Variants in ROBO1 observed in about 807,000 individuals in gnomAD.
ROBO1 encodes the protein roundabout homolog 1.
In ROBO1, 149 loss-of-function variants were observed where a neutral mutation model predicts 195.9. The ratio of observed to expected loss-of-function variants is 0.76; its 90% CI spans 0.67 to 0.87. The LOEUF (loss-of-function observed/expected upper bound fraction) is 0.87. Ranked by LOEUF, ROBO1 falls within the 40% of genes least tolerant of loss-of-function variation. The pLI, the probability that ROBO1 is intolerant of heterozygous loss-of-function variation, is 0.00. For synonymous variants in ROBO1, 816 were observed against 733.2 expected (o/e 1.11, Z -1.82); for missense variants, 1,933 against 2,068.3 (o/e 0.93, Z 1.27).
At chr3:79,583,760 C>T (rs2107796774) in intron 2 of ROBO1, among the ~76,000 whole-genome samples, 1 of 151,916 alleles carries the variant, frequency 6.6e-6, no homozygotes, top group South Asian at 2.1e-4. Context: ...TTGTTCTAAG[C>T]AAAATGATGA....
At chr3:79,359,456 C>G (rs2035681582) in intron 2 of ROBO1, among the ~76,000 whole-genome samples, 1 of 152,002 alleles carries the variant, frequency 6.6e-6, no homozygotes, top group Non-Finnish European at 1.5e-5. Flanking sequence ...AACAAAGAGG[C>G]ACCATACTTG....
At chr3:79,732,727 C>A (rs1703204841) in intron 1 of ROBO1, among the ~76,000 whole-genome samples, 1 of 152,134 alleles carries the variant, frequency 6.6e-6, no homozygotes, top group African/African-American at 2.4e-5. Flanking sequence ...CTTTGACTTT[C>A]TTGACACTAT....
At chr3:78,627,231 A>C in intron 26 of ROBO1, 90 bp downstream of exon 26, 1 of 1,426,678 alleles carries the variant, frequency 7.0e-7, no homozygotes, top group Non-Finnish European at 9.4e-7. Context: ...ATGAGACAAG[A>C]AAATTACTTC....
intron 2 of ROBO1, among the ~76,000 whole-genome samples, chr3:79,306,893 A>G (rs1196376660): frequency 6.6e-6 from 1 of 152,124 alleles, no homozygotes; most frequent in Non-Finnish European, 1.5e-5. Flanking sequence ...CATTTGGGGG[A>G]CAGATAGCTC....
chr3:79,052,627 G>A (rs1191029522), intron 3 of ROBO1, among the ~76,000 whole-genome samples: 2 of 152,084 alleles, frequency 1.3e-5, no homozygotes, highest in African/African-American at 4.8e-5. Context: ...CACCCCCAGA[G>A]ACCCAGCTGT....
intron 2 of ROBO1, among the ~76,000 whole-genome samples, chr3:79,438,964 T>C (rs2038970438): frequency 6.6e-6 from 1 of 152,044 alleles, no homozygotes; most frequent in Non-Finnish European, 1.5e-5. Context: ...CATCAGTTCA[T>C]TTGCTCATTG....
chr3:79,703,046 T>A (rs139334122), intron 1 of ROBO1, among the ~76,000 whole-genome samples: 6 of 151,864 alleles, frequency 4.0e-5, no homozygotes, highest in Admixed American at 6.6e-5. Flanking sequence ...AACCTTAGCA[T>A]TGGCATCAAG....
rs555283498 is a variant in ROBO1 at position 79,423,010 on chromosome 3, C to G, written c.88+166814G>C. On this transcript the variant is annotated intron_variant, in intron 2 of 30. Transcript: ENST00000464233. ...GTATAGAAAAAACCACCTGGTTGTG[C>G]TGGAGAGAATTATTTACTCTGCTCA... Among the ~76,000 whole-genome samples, 3 of 152,056 alleles carry G rather than the reference C, an allele frequency of 2.0e-5. No individual in the cohort carries two copies. The South Asian group carries it at 6.2e-4, about 32-fold the overall frequency.
intron 1 of ROBO1, among the ~76,000 whole-genome samples, chr3:79,767,352 G>A (rs1274734887): frequency 6.6e-6 from 1 of 152,078 alleles, no homozygotes; most frequent in Admixed American, 6.6e-5. Flanking sequence ...TCCGCTGTGT[G>A]CCCCCAAGAA....
At chr3:79,037,490 T>C (rs2078401474) in intron 3 of ROBO1, among the ~76,000 whole-genome samples, 1 of 152,188 alleles carries the variant, frequency 6.6e-6, no homozygotes, top group African/African-American at 2.4e-5. Context: ...AAAGAGATTC[T>C]GTTATTCACT....
chr3:79,274,287 C>T (rs540855913), intron 2 of ROBO1, among the ~76,000 whole-genome samples: 2 of 151,134 alleles, frequency 1.3e-5, no homozygotes, highest in African/African-American at 4.9e-5. Flanking sequence ...TAAATTGAAG[C>T]TATGTCAAAT....
intron 2 of ROBO1, among the ~76,000 whole-genome samples, chr3:79,358,653 T>C (rs1010402493): frequency 6.6e-6 from 1 of 152,052 alleles, no homozygotes; most frequent in Non-Finnish European, 1.5e-5. Flanking sequence ...CTGGATACAT[T>C]TAACAGTACT....
At chr3:79,015,297 G>A (rs1056000762) in intron 3 of ROBO1, among the ~76,000 whole-genome samples, 1 of 151,702 alleles carries the variant, frequency 6.6e-6, no homozygotes, top group Non-Finnish European at 1.5e-5. Flanking sequence ...GAAAGAGGAA[G>A]AGAGACCAGA....
At chr3:79,289,129 G>T (rs2032081645) in intron 2 of ROBO1, among the ~76,000 whole-genome samples, 1 of 151,218 alleles carries the variant, frequency 6.6e-6, no homozygotes, top group Non-Finnish European at 1.5e-5. Flanking sequence ...TCCCTAGAAT[G>T]TTCAAGTGCC....
At chr3:78,721,571 A>C (rs1236481115) in intron 5 of ROBO1, among the ~76,000 whole-genome samples, 1 of 152,208 alleles carries the variant, frequency 6.6e-6, no homozygotes, top group African/African-American at 2.4e-5. Flanking sequence ...AAGAGGAAAC[A>C]AACACATAAT....
At chr3:79,693,902 G>A (rs1010531791) in intron 1 of ROBO1, among the ~76,000 whole-genome samples, 4 of 151,678 alleles carry the variant, frequency 2.6e-5, no homozygotes, top group African/African-American at 9.7e-5. Context: ...TAAATATCAT[G>A]AGAAGTGGGT....
At chr3:79,616,186 T>C (rs1944814278) in intron 1 of ROBO1, among the ~76,000 whole-genome samples, 1 of 152,142 alleles carries the variant, frequency 6.6e-6, no homozygotes, top group East Asian at 1.9e-4. Context: ...TCACTCTTTC[T>C]TCAAATCTGA....
intron 1 of ROBO1, among the ~76,000 whole-genome samples, chr3:79,612,408 T>G (rs908406235): frequency 6.6e-6 from 1 of 150,710 alleles, no homozygotes; most frequent in African/African-American, 2.4e-5. Context: ...ATGTGCCACA[T>G]TTTCTTAATC....
chr3:79,400,249 C>T lies in ROBO1; in HGVS notation c.88+189575G>A, dbSNP rs952520969. On this transcript the variant is annotated intron_variant, in intron 2 of 30. Transcript: ENST00000464233. ...TTTTCCAAGTTTTTCTATCAATTTC[C>T]TGAGTCACTCCATAAAAGATACATA... Among the ~76,000 whole-genome samples the T allele has an allele frequency of 5.3e-5, 8 of 152,108 alleles. No individual in the cohort carries two copies. The East Asian group carries it at 1.5e-3, about 29-fold the overall frequency.
Sources: allele counts gnomAD v4.1 joint callset (sites outside exome capture counted in the v4.1 genomes callset), GRCh38; gene constraint gnomAD v4.1.1; transcripts MANE v1.5; gene names NCBI Gene and HGNC (gene_info 2026-07-23, HGNC 2026-07-21).